Variants in MGAT5 observed in about 807,000 individuals in gnomAD.
The protein encoded by MGAT5 is alpha-1,6-mannosylglycoprotein 6-beta-N-acetylglucosaminyltransferase.
A neutral mutation model predicts 94.3 loss-of-function variants in MGAT5; 30 were observed. The observed-to-expected ratio is 0.32, with a 90% confidence interval of 0.24 to 0.43. The LOEUF (loss-of-function observed/expected upper bound fraction) is 0.43, where lower values mean the gene tolerates loss of function less well. MGAT5 is among the 20% of genes least tolerant of loss of function. MGAT5 has a pLI of 1.00. For missense variants in MGAT5, 691 were observed against 905.5 expected (o/e 0.76, Z 3.04); for synonymous variants, 310 against 322.9 (o/e 0.96, Z 0.43).
rs192194207 is a variant in MGAT5, at chr2:134,294,226, C to T, written c.407-23303C>T. On this transcript the variant is annotated intron_variant, in intron 2 of 15. Coordinates refer to ENST00000281923, the MANE Select transcript of MGAT5 (RefSeq NM_002410.5). ...ATCCATTGTTCTCTGCGGTTTAGCC[C>T]CATAGACCTGTTAAGTCATGGGAAG... Among the ~76,000 whole-genome samples, 520 of 152,182 alleles carry T rather than the reference C, an allele frequency of 3.4e-3. 1 individual carries two copies. Among genetic ancestry groups the T allele is most frequent in the African/African-American group, 0.012 (480 of 41,490 alleles).
At chr2:134,378,709 G>A (rs948947307) in intron 10 of MGAT5, among the ~76,000 whole-genome samples, 2 of 149,062 alleles carry the variant, frequency 1.3e-5, no homozygotes, top group African/African-American at 4.9e-5. Context: ...TGTGACTCCC[G>A]GGTTCAAGTG....
At chr2:134,187,876 TGAA>T (rs905115423) in intron 1 of MGAT5, among the ~76,000 whole-genome samples, 2 of 152,062 alleles carry the variant, frequency 1.3e-5, no homozygotes, top group African/African-American at 4.8e-5. Context: ...TTAATAAAAA[TGAA>T]GAAGTATTGA....
At chr2:134,385,754 A>G (rs1451263818) in intron 10 of MGAT5, among the ~76,000 whole-genome samples, 2 of 152,232 alleles carry the variant, frequency 1.3e-5, no homozygotes, top group Non-Finnish European at 2.9e-5. Context: ...AGTTTTGACA[A>G]TATGACACTA....
chr2:134,333,895 G>T (rs1688162628), intron 4 of MGAT5, among the ~76,000 whole-genome samples: 1 of 152,074 alleles, frequency 6.6e-6, no homozygotes, highest in Admixed American at 6.6e-5. Flanking sequence ...GAAATGCTTT[G>T]TTTTGTTTTT....
At position 134,190,630 on chromosome 2, in the gene MGAT5, T is replaced by C. The variant is rs536001472; in HGVS notation, c.-142-63632T>C. 6.0e-4 allele frequency among the ~76,000 whole-genome samples: 91 copies of C among 152,222 alleles called. 1 individual carries two copies. The highest frequency in any genetic ancestry group is 2.0e-3 in the African/African-American group (85 of 41,560). On this transcript the variant is annotated intron_variant, in intron 1 of 16. Coordinates refer to the MGAT5 transcript ENST00000409645. ...GTTACAAAGCTCAAAGGAGGCCCTT[T>C]GTTTTCAAATCTCCTCTCCTTTGTT...
At chr2:134,158,961 C>T (rs1325292102) in intron 1 of MGAT5, among the ~76,000 whole-genome samples, 1 of 152,138 alleles carries the variant, frequency 6.6e-6, no homozygotes, top group East Asian at 1.9e-4. Context: ...ATGTAAAATA[C>T]ACACCAAATT....
intron 2 of MGAT5, among the ~76,000 whole-genome samples, chr2:134,289,177 G>A (rs1403780706): frequency 1.3e-5 from 2 of 152,118 alleles, no homozygotes; most frequent in African/African-American, 2.4e-5. Flanking sequence ...GTTGGGCACC[G>A]CAGTGTGCCA....
chr2:134,271,867 G>A (rs1437196046), intron 2 of MGAT5, among the ~76,000 whole-genome samples: 1 of 152,114 alleles, frequency 6.6e-6, no homozygotes, highest in African/African-American at 2.4e-5. Context: ...CTGGAACCAT[G>A]CCTCTTCAGT....
In MGAT5 at chr2:134,338,933, C is replaced by T. The variant is rs139167191; in HGVS notation, c.807+513C>T. Among the ~76,000 whole-genome samples the T allele has an allele frequency of 1.2e-3, 188 of 152,144 alleles. 3 individuals are homozygous for T. Among genetic ancestry groups the T allele is most frequent in the Admixed American group, 3.1e-3 (48 of 15,260 alleles). ...ATGAGGACAGGCTTGGAAAACCTCT[C>T]GAATACCCCTGGGCTTAGAAGACTT... On this transcript the variant is annotated intron_variant, in intron 6 of 15. Transcript: ENST00000281923.
intron 1 of MGAT5, among the ~76,000 whole-genome samples, chr2:134,149,058 C>A (rs754129396): frequency 1.3e-5 from 2 of 152,112 alleles, no homozygotes; most frequent in Non-Finnish European, 2.9e-5. Flanking sequence ...AGCCACCGTG[C>A]CCAGCCTGGT....
intron 2 of MGAT5, among the ~76,000 whole-genome samples, chr2:134,317,246 A>T (rs945037552): frequency 6.6e-6 from 1 of 151,872 alleles, no homozygotes; most frequent in Non-Finnish European, 1.5e-5. Context: ...CCTATTGCTG[A>T]TTTCTAAGTA....
At chr2:134,212,665 C>T (rs1680263763) in intron 1 of MGAT5, among the ~76,000 whole-genome samples, 1 of 152,202 alleles carries the variant, frequency 6.6e-6, no homozygotes, top group African/African-American at 2.4e-5. Context: ...AATCAGAGCT[C>T]TCTGGAAATT....
intron 4 of MGAT5, among the ~76,000 whole-genome samples, chr2:134,333,459 A>G (rs1473091736): frequency 6.7e-6 from 1 of 149,246 alleles, no homozygotes; most frequent in East Asian, 2.0e-4. Flanking sequence ...GGGGAGGGAT[A>G]GCATTAGGAG....
intron 1 of MGAT5, among the ~76,000 whole-genome samples, chr2:134,233,388 G>T (rs556194755): frequency 6.6e-6 from 1 of 152,246 alleles, no homozygotes; most frequent in East Asian, 1.9e-4. Context: ...CTAGGAATTG[G>T]GCTAGTCTGC....
intron 14 of MGAT5, among the ~76,000 whole-genome samples, chr2:134,431,789 G>A (rs1274711927): frequency 6.6e-6 from 1 of 152,160 alleles, no homozygotes; most frequent in Non-Finnish European, 1.5e-5. Flanking sequence ...GGAGCCAGAC[G>A]GAGCCAACAG....
chr2:134,249,750 C>G (rs147762474), upstream of MGAT5, among the ~76,000 whole-genome samples: 1,865 of 152,292 alleles, frequency 0.012, 43 homozygotes, highest in African/African-American at 0.042. Flanking sequence ...TGTGTAGACA[C>G]GTATTTTCAT....
chr2:134,138,764 T>C (rs1028592493), intron 1 of MGAT5, among the ~76,000 whole-genome samples: 2 of 152,196 alleles, frequency 1.3e-5, no homozygotes, highest in African/African-American at 4.8e-5. Context: ...GTGAAGTATG[T>C]TGTCTGGGGT....
At chr2:134,312,972 A>G (rs1686771460) in intron 2 of MGAT5, among the ~76,000 whole-genome samples, 1 of 151,224 alleles carries the variant, frequency 6.6e-6, no homozygotes, top group Admixed American at 6.6e-5. Context: ...CGCCGTACCA[A>G]CTTCTCCTGC....
At chr2:134,331,080 T>G (rs772760161) in intron 4 of MGAT5, among the ~76,000 whole-genome samples, 2 of 152,126 alleles carry the variant, frequency 1.3e-5, no homozygotes, top group Non-Finnish European at 2.9e-5. Context: ...ATATAATGAA[T>G]TGTCCATCCT....
Sources: gnomAD v4.1 joint callset for allele counts (sites outside exome capture counted in the v4.1 genomes callset) on GRCh38, gnomAD v4.1.1 for gene constraint, MANE v1.5 for transcripts, NCBI Gene and HGNC (gene_info 2026-07-23, HGNC 2026-07-21) for gene names.